The following ZMYND8 variants were observed in gnomAD, a reference collection of about 807,000 sequenced individuals.
The protein encoded by ZMYND8 is zinc finger MYND-type containing 8, also known as MYND-type zinc finger-containing chromatin reader ZMYND8.
ZMYND8 carries 37 observed loss-of-function variants against 140.8 expected under a neutral mutation model. That is an observed-to-expected ratio of 0.26 (90% CI 0.20 to 0.35). The LOEUF (loss-of-function observed/expected upper bound fraction) is 0.35, where lower values mean the gene tolerates loss of function less well. ZMYND8 is among the 10% of genes least tolerant of loss of function. ZMYND8 has a pLI of 1.00. For synonymous variants in ZMYND8, 592 were observed against 597.1 expected, an observed-to-expected ratio of 0.99 and a Z score of 0.12; for missense variants, 1,068 against 1,570.0, an observed-to-expected ratio of 0.68 and a Z score of 5.40.
At chr20:47,321,999 T>TACAGGC (rs2079997844) in intron 2 of ZMYND8, among the ~76,000 whole-genome samples, 1 of 151,622 alleles carries the variant, frequency 6.6e-6, no homozygotes, top group South Asian at 2.1e-4. Context: ...TAGCTAGGAC[T>TACAGGC]ACAGGCACAG....
chr20:47,276,198 C>T, intron 11 of ZMYND8, 116 bp downstream of exon 11: 1 of 1,338,952 alleles, frequency 7.5e-7, no homozygotes, highest in East Asian at 2.5e-5. Flanking sequence ...CTCTGTGGCC[C>T]CCTACAGTTC....
chr20:47,321,835 A>G (rs1016856471), intron 2 of ZMYND8, among the ~76,000 whole-genome samples: 2 of 146,336 alleles, frequency 1.4e-5, no homozygotes, highest in Non-Finnish European at 3.0e-5. Flanking sequence ...ACAAATATCG[A>G]TTTATTTAAA....
chr20:47,277,486 C>T (rs2076323837), intron 10 of ZMYND8, among the ~76,000 whole-genome samples: 1 of 152,236 alleles, frequency 6.6e-6, no homozygotes, highest in Non-Finnish European at 1.5e-5. Context: ...ACCACAACCG[C>T]TGCTGCGGGT....
chr20:47,260,207 C>G (rs1043228453), intron 12 of ZMYND8, among the ~76,000 whole-genome samples: 1 of 152,144 alleles, frequency 6.6e-6, no homozygotes, highest in Non-Finnish European at 1.5e-5. Flanking sequence ...CCAAAAATGT[C>G]TCCAAACATT....
intron 16 of ZMYND8, among the ~76,000 whole-genome samples, chr20:47,232,368 AAAAT>A (rs3084712): frequency 0.011 from 1,607 of 149,166 alleles, 13 homozygotes; most frequent in Non-Finnish European, 0.017. Context: ...CCTTGTCTCA[AAAAT>A]AAATAAATAA....
intron 2 of ZMYND8, among the ~76,000 whole-genome samples, chr20:47,346,247 A>G (rs1490822176): frequency 2.0e-5 from 3 of 151,840 alleles, no homozygotes; most frequent in Non-Finnish European, 2.9e-5. Context: ...TGACCACAAC[A>G]AGGGGGCTGA....
chr20:47,342,760 A>C (rs1358225407), intron 2 of ZMYND8, among the ~76,000 whole-genome samples: 1 of 150,694 alleles, frequency 6.6e-6, no homozygotes, highest in East Asian at 2.0e-4. Flanking sequence ...GAGCAGAGGA[A>C]TTGCTTGAAC....
chr20:47,294,579 G>A, intron 5 of ZMYND8, 87 bp downstream of exon 5: 1 of 1,257,302 alleles, frequency 8.0e-7, no homozygotes. Flanking sequence ...GAATACATCA[G>A]GTACCTAAAA....
chr20:47,245,539 C>T (rs1055678522), intron 14 of ZMYND8, among the ~76,000 whole-genome samples: 5 of 152,158 alleles, frequency 3.3e-5, no homozygotes, highest in African/African-American at 1.2e-4. Context: ...AGCCACCATG[C>T]CCAGCTTGAA....
intron 12 of ZMYND8, among the ~76,000 whole-genome samples, chr20:47,262,006 G>A (rs2075191024): frequency 6.6e-6 from 1 of 152,008 alleles, no homozygotes; most frequent in African/African-American, 2.4e-5. Context: ...AGGAGGCGGA[G>A]GTTGCAGGGA....
chr20:47,253,040 T>G (rs1385370431), intron 12 of ZMYND8, among the ~76,000 whole-genome samples: 2 of 152,224 alleles, frequency 1.3e-5, no homozygotes, highest in African/African-American at 4.8e-5. Context: ...TCCAGTAAAC[T>G]TTATTTGCAA....
chr20:47,346,903 C>T (rs997090268), intron 2 of ZMYND8, among the ~76,000 whole-genome samples: 9 of 152,222 alleles, frequency 5.9e-5, no homozygotes, highest in African/African-American at 1.7e-4. Context: ...CCACGCCTGG[C>T]GACACGCTGT....
At chr20:47,221,559 A>C in intron 19 of ZMYND8, 85 bp from the exon 20 acceptor site, 13 of 1,473,418 alleles carry the variant, frequency 8.8e-6, no homozygotes, top group Non-Finnish European at 1.2e-5. Context: ...CCCTGCACCC[A>C]GTGGCACCCA....
intron 1 of ZMYND8, chr20:47,349,896 G>T: frequency 6.5e-7 from 1 of 1,535,588 alleles, no homozygotes; most frequent in Non-Finnish European, 8.7e-7. Context: ...ACATTCAAAG[G>T]TGTATTGATC....
At position 47,270,718 on chromosome 20, in the gene ZMYND8, A is replaced by G. The variant is rs6018381; in HGVS notation, c.1480+5596T>C. On this transcript the variant is annotated intron_variant, in intron 11 of 22. Transcript: ENST00000471951. ...CTCTGAAAAAAAAAAAAAAAAAAAAAAGAAAGAAAGAAAAAGAAAAAGCTG... is the reference window on the plus strand; with the variant it reads ...CTCTGAAAAAAAAAAAAAAAAAAAAGAGAAAGAAAGAAAAAGAAAAAGCTG... 4.3e-3 allele frequency among the ~76,000 whole-genome samples: 637 copies of G among 148,758 alleles called. 5 individuals carry two copies. The highest frequency in any genetic ancestry group is 0.015 in the African/African-American group (614 of 40,586).
At chr20:47,263,789 G>A (rs2075315477) in intron 11 of ZMYND8, among the ~76,000 whole-genome samples, 1 of 152,196 alleles carries the variant, frequency 6.6e-6, no homozygotes, top group African/African-American at 2.4e-5. Context: ...CATCTCATCA[G>A]GCTGCCGTGA....
intron 2 of ZMYND8, among the ~76,000 whole-genome samples, chr20:47,344,461 T>A (rs1375814463): frequency 6.6e-6 from 1 of 152,096 alleles, no homozygotes; most frequent in Non-Finnish European, 1.5e-5. Context: ...CGACCAGTAT[T>A]CCTGAAAACC....
chr20:47,248,981 A>G (rs1025221033), intron 13 of ZMYND8, among the ~76,000 whole-genome samples: 4 of 143,982 alleles, frequency 2.8e-5, no homozygotes, highest in Admixed American at 2.8e-4. Context: ...TACTGAGGAG[A>G]GCAGAGGCAA....
intron 3 of ZMYND8, among the ~76,000 whole-genome samples, chr20:47,306,302 A>G (rs755714717): frequency 6.6e-6 from 1 of 151,998 alleles, no homozygotes; most frequent in African/African-American, 2.4e-5. Context: ...GGCTGAGGGA[A>G]GAGAATTGCT....
Sources: gnomAD v4.1 joint callset for allele counts (sites outside exome capture counted in the v4.1 genomes callset) on GRCh38, gnomAD v4.1.1 for gene constraint, MANE v1.5 for transcripts, NCBI Gene and HGNC (gene_info 2026-07-23, HGNC 2026-07-21) for gene names.